Variants in BRINP1 observed in about 807,000 individuals in gnomAD.
BRINP1 encodes the protein BMP/retinoic acid-inducible neural-specific protein 1.
BRINP1 carries 17 observed loss-of-function variants against 72.9 expected under a neutral mutation model. The ratio of observed to expected loss-of-function variants is 0.23; its 90% CI spans 0.16 to 0.35. The LOEUF is 0.35. Among genes scored for constraint, BRINP1 ranks in the 10% least tolerant of loss-of-function variants. BRINP1 has a pLI of 1.00. For missense variants in BRINP1, 850 were observed against 1,001.6 expected (o/e 0.85, Z 2.04); for synonymous variants, 418 against 378.5 (o/e 1.10, Z -1.21).
At chr9:119,171,258 A>G (rs1489932562) in intron 7 of BRINP1, among the ~76,000 whole-genome samples, 1 of 147,024 alleles carries the variant, frequency 6.8e-6, no homozygotes. Context: ...AGAGACACAC[A>G]TAGGCTCAAA....
Position 119,268,289 on chromosome 9 carries a change from T to TAGATAGATAGATAGACAGAC in BRINP1, c.219-19140_219-19139insGTCTGTCTATCTATCTATCT, listed in dbSNP as rs1182856980. ...ATAGATAGATAGATAGATAGATAGA[T>TAGATAGATAGATAGACAGAC]AGATAGATAGATAAAAGTGTTTTTG... On this transcript the variant is annotated intron_variant, in intron 2 of 7. Transcript: ENST00000265922. Among the ~76,000 whole-genome samples the TAGATAGATAGATAGACAGAC allele has an allele frequency of 1.1e-3, 165 of 148,704 alleles. 2 individuals carry two copies. The highest frequency in any genetic ancestry group is 6.7e-3 in the South Asian group (30 of 4,450).
chr9:119,257,620 G>T (rs1349875733), intron 2 of BRINP1, among the ~76,000 whole-genome samples: 1 of 152,200 alleles, frequency 6.6e-6, no homozygotes, highest in Non-Finnish European at 1.5e-5. Context: ...GTATCGGGGT[G>T]ATAGAGGAAA....
chr9:119,170,546 G>T (rs911619966), intron 7 of BRINP1, among the ~76,000 whole-genome samples: 1 of 152,232 alleles, frequency 6.6e-6, no homozygotes, highest in African/African-American at 2.4e-5. Context: ...AAACAAGTTG[G>T]AAAGCACTCT....
chr9:119,237,064 A>G (rs1830198869), intron 5 of BRINP1, among the ~76,000 whole-genome samples: 1 of 152,186 alleles, frequency 6.6e-6, no homozygotes, highest in Non-Finnish European at 1.5e-5. Context: ...AAAAGGAACC[A>G]GAAAATAAAA....
chr9:119,166,763 A>ATCTT lies in BRINP1; in HGVS notation c.*317_*320dup, dbSNP rs2118808745. 4.0e-6 allele frequency: 1 copy of ATCTT among 248,742 alleles called. No homozygotes were observed. Among genetic ancestry groups the ATCTT allele is most frequent in the Non-Finnish European group, 7.7e-6 (1 of 129,528 alleles). The allele number at this position is 248,742 out of a possible 1,614,324, so 15.4% of individuals were successfully genotyped here. A position where few individuals can be genotyped will look rare whatever the true frequency, so the allele number is the denominator to read the frequency against. Reference sequence around the variant, plus strand: ...TAATCTTAGCACCTGCACAGCAGAGATCTTTACAATTCATTGCATATGCTT... The same window carrying ATCTT: ...TAATCTTAGCACCTGCACAGCAGAGATCTTTCTTTACAATTCATTGCATATGCTT... On this transcript the variant is annotated 3_prime_UTR_variant, in exon 8 of 8. Coordinates refer to ENST00000265922, the MANE Select transcript of BRINP1 (RefSeq NM_014618.3).
intron 7 of BRINP1, among the ~76,000 whole-genome samples, chr9:119,181,118 C>G (rs933024610): frequency 1.8e-4 from 27 of 152,138 alleles, no homozygotes; most frequent in African/African-American, 5.3e-4. Flanking sequence ...TGAAGGAAGG[C>G]GCCCGGAGCT....
intron 2 of BRINP1, among the ~76,000 whole-genome samples, chr9:119,303,041 G>C (rs1378302503): frequency 2.0e-5 from 3 of 151,926 alleles, no homozygotes; most frequent in African/African-American, 7.3e-5. Context: ...ATCTCAAACT[G>C]TTTACCAGCA....
intron 2 of BRINP1, among the ~76,000 whole-genome samples, chr9:119,287,993 T>TAAA (rs975401832): frequency 4.0e-5 from 6 of 150,996 alleles, no homozygotes; most frequent in African/African-American, 1.5e-4. Flanking sequence ...ACTTAAAAGT[T>TAAA]AAAAAAAAAG....
intron 1 of BRINP1, among the ~76,000 whole-genome samples, chr9:119,331,437 C>T (rs577603637): frequency 9.2e-5 from 14 of 152,294 alleles, no homozygotes; most frequent in South Asian, 2.1e-4. Flanking sequence ...CAGTTTGGTT[C>T]GCTACTGCTA....
chr9:119,332,475 G>A (rs1181928408), intron 1 of BRINP1, among the ~76,000 whole-genome samples: 1 of 152,122 alleles, frequency 6.6e-6, no homozygotes, highest in East Asian at 1.9e-4. Flanking sequence ...TTCTACTAAG[G>A]AGGTAGAATC....
intron 1 of BRINP1, among the ~76,000 whole-genome samples, chr9:119,334,843 G>A (rs1169258262): frequency 1.3e-5 from 2 of 152,058 alleles, no homozygotes; most frequent in African/African-American, 2.4e-5. Flanking sequence ...CTTGGATGAG[G>A]GGACATTGTG....
At chr9:119,308,739 T>C (rs1171796507) in intron 2 of BRINP1, among the ~76,000 whole-genome samples, 1 of 152,118 alleles carries the variant, frequency 6.6e-6, no homozygotes, top group African/African-American at 2.4e-5. Flanking sequence ...AACTTTCAGG[T>C]ATATATTTAC....
chr9:119,322,791 C>T (rs1052725662), intron 1 of BRINP1, among the ~76,000 whole-genome samples: 1 of 152,180 alleles, frequency 6.6e-6, no homozygotes, highest in African/African-American at 2.4e-5. Flanking sequence ...GCTGAGTGAC[C>T]TTGGGCATGT....
intron 7 of BRINP1, among the ~76,000 whole-genome samples, chr9:119,183,619 T>C (rs762377458): frequency 1.3e-5 from 2 of 152,238 alleles, no homozygotes; most frequent in African/African-American, 2.4e-5. Flanking sequence ...TCTGTACGTA[T>C]GTAATACTTT....
chr9:119,308,973 G>GAAA (rs34551014), intron 2 of BRINP1, among the ~76,000 whole-genome samples: 81 of 146,550 alleles, frequency 5.5e-4, no homozygotes, highest in African/African-American at 1.9e-3. Context: ...TCACAGTTAG[G>GAAA]AAAAAAAAAA....
At chr9:119,191,979 G>T (rs562204317) in intron 7 of BRINP1, among the ~76,000 whole-genome samples, 1 of 151,948 alleles carries the variant, frequency 6.6e-6, no homozygotes, top group East Asian at 1.9e-4. Flanking sequence ...TTCAACAAGG[G>T]CACCAAGAGG....
intron 2 of BRINP1, among the ~76,000 whole-genome samples, chr9:119,260,734 G>A (rs1177040874): frequency 6.6e-6 from 1 of 152,154 alleles, no homozygotes; most frequent in Non-Finnish European, 1.5e-5. Flanking sequence ...TCACATCTGA[G>A]TTAAGAAAAT....
At position 119,313,522 on chromosome 9, in the gene BRINP1, T is replaced by C; in HGVS notation, c.-50-117A>G. ...GAAAAGAAAAAATGTGATTAACACA[T>C]CTTCATAATAATACCTTATATCAGT... On this transcript the variant is annotated intron_variant, in intron 1 of 7. Transcript: ENST00000265922. 6.9e-6 allele frequency: 6 copies of C among 871,138 alleles called. No individual in the cohort carries two copies. In the East Asian group the frequency reaches 1.3e-4, roughly 19 times the overall value. The allele number at this position is 871,138 out of a possible 1,614,324, so 54.0% of individuals were successfully genotyped here. A position where few individuals can be genotyped will look rare whatever the true frequency, so the allele number is the denominator to read the frequency against.
At chr9:119,208,548 C>T (rs1343811338) in intron 7 of BRINP1, among the ~76,000 whole-genome samples, 171 bp downstream of exon 7, 1 of 152,154 alleles carries the variant, frequency 6.6e-6, no homozygotes, top group African/African-American at 2.4e-5. Context: ...CAATGTGGAG[C>T]CAGTAGGTGA....
Sources: allele counts gnomAD v4.1 joint callset (sites outside exome capture counted in the v4.1 genomes callset), GRCh38; gene constraint gnomAD v4.1.1; transcripts MANE v1.5; gene names NCBI Gene and HGNC (gene_info 2026-07-23, HGNC 2026-07-21).